Variants in ANKRD55 observed in about 807,000 individuals in gnomAD.
The protein encoded by ANKRD55 is ankyrin repeat domain-containing protein 55.
ANKRD55 carries 41 observed loss-of-function variants against 60.6 expected under a neutral mutation model. That is an observed-to-expected ratio of 0.68 (90% CI 0.53 to 0.88). The LOEUF is 0.88. ANKRD55 is among the 40% of genes least tolerant of loss of function. The pLI is 0.00. For missense variants in ANKRD55, 732 were observed against 767.6 expected (o/e 0.95, Z 0.55); for synonymous variants, 264 against 290.3 (o/e 0.91, Z 0.92).
chr5:56,158,657 G>A (rs189989483), intron 6 of ANKRD55, among the ~76,000 whole-genome samples: 43 of 152,210 alleles, frequency 2.8e-4, no homozygotes, highest in Admixed American at 2.1e-3. Flanking sequence ...CAGGTAACCC[G>A]GAATTATTAA....
At chr5:56,215,215 A>G (rs559380874) in intron 2 of ANKRD55, among the ~76,000 whole-genome samples, 4 of 152,346 alleles carry the variant, frequency 2.6e-5, no homozygotes, top group African/African-American at 9.6e-5. Flanking sequence ...ATAACAACCC[A>G]TCTTCAGAAG....
At position 56,208,638 on chromosome 5, in the gene ANKRD55, G is replaced by A. The variant is rs559736454; in HGVS notation, c.58+24218C>T. On this transcript the variant is annotated intron_variant, in intron 2 of 11. Transcript: ENST00000341048. ...TGGGTTTTGCCATGTTGGCCAGTCC[G>A]GTCTTGAACTCCTGACCTCAGGTGA... Among the ~76,000 whole-genome samples, 16 of 152,218 alleles carry A rather than the reference G, an allele frequency of 1.1e-4. No homozygotes were observed. The South Asian group carries it at 2.9e-3, about 28-fold the overall frequency.
rs184747816 is a variant in ANKRD55, at chr5:56,220,503, T to C, written c.58+12353A>G. ...GGGGTCAAACACACTTACTTAGACT[T>C]ATTCAGGAGTGATCAAGAAAACTGA... On this transcript the variant is annotated intron_variant, in intron 2 of 11. Coordinates refer to ENST00000341048, the MANE Select transcript of ANKRD55 (RefSeq NM_024669.3). Among the ~76,000 whole-genome samples the C allele has an allele frequency of 9.3e-4, 141 of 152,258 alleles. 3 individuals are homozygous for C. In the Middle Eastern group the frequency reaches 0.027, roughly 29 times the overall value.
chr5:56,155,857 A>C (rs1469151916), intron 6 of ANKRD55, among the ~76,000 whole-genome samples: 1 of 151,972 alleles, frequency 6.6e-6, no homozygotes, highest in East Asian at 1.9e-4. Context: ...CTCAAAAAAA[A>C]AAAAAAAACC....
intron 2 of ANKRD55, among the ~76,000 whole-genome samples, chr5:56,196,413 A>G (rs568596567): frequency 6.6e-6 from 1 of 152,370 alleles, no homozygotes; most frequent in Admixed American, 6.5e-5. Context: ...GCTAGTATTT[A>G]TCGAGTGCCT....
chr5:56,100,286 A>G lies in ANKRD55; in HGVS notation c.1742T>C (p.Leu581Pro). The G allele has an allele frequency of 6.2e-7, 1 of 1,614,188 alleles. No homozygotes were observed. The highest frequency in any genetic ancestry group is 8.5e-7 in the Non-Finnish European group (1 of 1,180,014). The change falls in exon 12 of 12, where the codon CTG becomes CCG. Residue 581 changes from leucine (L) to proline (P), a missense_variant. This residue lies in a region of ANKRD55 where 597 missense variants were observed against 607.5 expected (regional missense o/e 0.98). Transcript: ENST00000341048. ...PDQKFLSGEPLRTNRVLPAIP... is the reference protein window; with the variant it reads ...PDQKFLSGEPPRTNRVLPAIP... ...TGCAGGAAGCACTCGGTTTGTCCGC[A>G]GAGGTTCTCCAGATAGAACTGGGAA...
chr5:56,219,287 A>AAG (rs1211809972), intron 2 of ANKRD55, among the ~76,000 whole-genome samples: 1 of 151,480 alleles, frequency 6.6e-6, no homozygotes, highest in Non-Finnish European at 1.5e-5. Context: ...AAAAAAAAAA[A>AAG]AAAAAGAAAA....
chr5:56,099,780 T>G lies in ANKRD55; in HGVS notation c.*403A>C, dbSNP rs920061243. 1 of 157,986 alleles carries G rather than the reference T, an allele frequency of 6.3e-6. No individual in the cohort carries two copies. The highest frequency in any genetic ancestry group is 2.4e-5 in the African/African-American group (1 of 41,218). 9.8% of individuals were successfully genotyped at this position (157,986 alleles called of 1,614,324 possible). A position where few individuals can be genotyped will look rare whatever the true frequency, so the allele number is the denominator to read the frequency against. ...TGTTTGTCTGGGATGTGGTTTTTTTTTTGTTTTGTTTTTTGCTTTTATTCA... is the reference window on the plus strand; with the variant it reads ...TGTTTGTCTGGGATGTGGTTTTTTTGTTGTTTTGTTTTTTGCTTTTATTCA... On this transcript the variant is annotated 3_prime_UTR_variant, in exon 12 of 12. Coordinates refer to ENST00000341048, the MANE Select transcript of ANKRD55 (RefSeq NM_024669.3).
At chr5:56,135,432 C>T (rs1222432139) in intron 7 of ANKRD55, among the ~76,000 whole-genome samples, 2 of 150,724 alleles carry the variant, frequency 1.3e-5, no homozygotes, top group Non-Finnish European at 2.9e-5. Flanking sequence ...TGCAGTGGTG[C>T]GATCTTGGCT....
At chr5:56,203,015 G>A (rs374326330) in intron 2 of ANKRD55, among the ~76,000 whole-genome samples, 58 of 152,126 alleles carry the variant, frequency 3.8e-4, no homozygotes, top group African/African-American at 1.4e-3. Context: ...TATGTATGGG[G>A]CCTTTAGGAT....
At chr5:56,110,435 T>C (rs1024855166) in intron 10 of ANKRD55, 1 of 152,302 alleles carries the variant, frequency 6.6e-6, no homozygotes, top group Non-Finnish European at 1.5e-5. Flanking sequence ...GTGTGATACA[T>C]TTATTTAAAA....
At chr5:56,116,520 A>ATTATACTTTTATAATATTG in intron 9 of ANKRD55, 95 bp downstream of exon 9, 4 of 999,790 alleles carry the variant, frequency 4.0e-6, no homozygotes, top group Non-Finnish European at 5.5e-6. Context: ...TAATAATATT[A>ATTATACTTTTATAATATTG]TTATTGGTTT....
chr5:56,135,347 C>CT (rs1234249440), intron 7 of ANKRD55, among the ~76,000 whole-genome samples: 1 of 30,584 alleles, frequency 3.3e-5, no homozygotes, highest in African/African-American at 1.6e-4. Context: ...TTCTTTCTTT[C>CT]TTTCTTTCTT....
chr5:56,107,802 T>C (rs191331292), intron 10 of ANKRD55, among the ~76,000 whole-genome samples: 1 of 152,208 alleles, frequency 6.6e-6, no homozygotes, highest in East Asian at 1.9e-4. Context: ...CCTATGTTGC[T>C]TATGATTGTG....
Position 56,230,183 on chromosome 5 carries a change from C to T in ANKRD55, c.58+2673G>A, listed in dbSNP as rs137933061. Reference sequence around the variant, plus strand: ...TGATCTCAGCTCACCGCAACCTCCACCTCCCAGGTTCAAGCGATTTCCTGC... The same window carrying T: ...TGATCTCAGCTCACCGCAACCTCCATCTCCCAGGTTCAAGCGATTTCCTGC... On this transcript the variant is annotated intron_variant, in intron 2 of 11. Coordinates refer to ENST00000341048, the MANE Select transcript of ANKRD55 (RefSeq NM_024669.3). Among the ~76,000 whole-genome samples, 1,355 of 152,242 alleles carry T rather than the reference C, an allele frequency of 8.9e-3. 16 individuals carry two copies. Among genetic ancestry groups the T allele is most frequent in the African/African-American group, 0.031 (1,293 of 41,546 alleles).
chr5:56,227,790 G>C (rs1760156674), intron 2 of ANKRD55, among the ~76,000 whole-genome samples: 1 of 152,070 alleles, frequency 6.6e-6, no homozygotes, highest in Admixed American at 6.6e-5. Context: ...TCGATAAAAG[G>C]GGGTCATATG....
chr5:56,225,191 A>G (rs996346407), intron 2 of ANKRD55, among the ~76,000 whole-genome samples: 2 of 152,198 alleles, frequency 1.3e-5, no homozygotes, highest in African/African-American at 2.4e-5. Flanking sequence ...ACACAAATCA[A>G]TAAACGTAAT....
intron 2 of ANKRD55, among the ~76,000 whole-genome samples, chr5:56,188,793 C>T (rs1189840810): frequency 1.3e-5 from 2 of 152,086 alleles, no homozygotes; most frequent in East Asian, 3.8e-4. Context: ...TTTGTGTATT[C>T]GTTTGGATTT....
rs928902348 is a variant in ANKRD55, at chr5:56,173,500, A to G, written c.312+2652T>C. ...GGCGTGAGCCACCATGCCCGGCTCC[A>G]ATTCTTATATATCAAATAATACGTT... On this transcript the variant is annotated intron_variant, in intron 4 of 11. Transcript: ENST00000341048. Among the ~76,000 whole-genome samples the G allele has an allele frequency of 8.4e-5, 12 of 142,590 alleles. No homozygotes were observed. The East Asian group carries it at 8.5e-4, about 10-fold the overall frequency. 93.5% of individuals were successfully genotyped at this position (142,590 alleles called of 152,430 possible).
Sources: gnomAD v4.1 joint callset for allele counts (sites outside exome capture counted in the v4.1 genomes callset) on GRCh38, gnomAD v4.1.1 for gene constraint, gnomAD v4.1.1 regional missense constraint, MANE v1.5 for transcripts, NCBI Gene and HGNC (gene_info 2026-07-23, HGNC 2026-07-21) for gene names.